The following CNOT6L variants were observed in gnomAD, a reference collection of about 807,000 sequenced individuals.
The protein encoded by CNOT6L is CCR4-NOT transcription complex subunit 6-like.
In CNOT6L, 7 loss-of-function variants were observed where a neutral mutation model predicts 64.0. The ratio of observed to expected loss-of-function variants is 0.11; its 90% CI spans 0.06 to 0.21. The LOEUF (loss-of-function observed/expected upper bound fraction) is 0.21. Among genes scored for constraint, CNOT6L ranks in the 10% least tolerant of loss-of-function variants. The pLI is 1.00. For synonymous variants in CNOT6L, 193 were observed against 243.4 expected (o/e 0.79, Z 1.93); for missense variants, 245 against 669.0 (o/e 0.37, Z 6.99).
intron 1 of CNOT6L, among the ~76,000 whole-genome samples, chr4:77,808,105 T>C (rs545919166): frequency 9.2e-5 from 14 of 152,196 alleles, no homozygotes; most frequent in African/African-American, 2.9e-4. Flanking sequence ...CAAAAAAGAA[T>C]ATGCAACAGA....
At chr4:77,772,341 T>G (rs563671042) in intron 4 of CNOT6L, among the ~76,000 whole-genome samples, 1 of 152,222 alleles carries the variant, frequency 6.6e-6, no homozygotes, top group African/African-American at 2.4e-5. Flanking sequence ...CAAGCGATTT[T>G]CCAGACCCCC....
chr4:77,732,935 G>A (rs1722601616), intron 8 of CNOT6L, among the ~76,000 whole-genome samples: 2 of 152,066 alleles, frequency 1.3e-5, no homozygotes, highest in Non-Finnish European at 2.9e-5. Context: ...TAACTGGGAA[G>A]CAGATTAGAA....
At chr4:77,739,338 T>C (rs1015519589) in intron 8 of CNOT6L, among the ~76,000 whole-genome samples, 2 of 152,220 alleles carry the variant, frequency 1.3e-5, no homozygotes, top group African/African-American at 4.8e-5. Context: ...TCCACAGTTA[T>C]CTTTGTTAGT....
chr4:77,787,130 G>T (rs1729545818), intron 1 of CNOT6L, among the ~76,000 whole-genome samples: 1 of 152,124 alleles, frequency 6.6e-6, no homozygotes, highest in South Asian at 2.1e-4. Context: ...AGCCGGGTGT[G>T]GTGGCGGGCA....
intron 4 of CNOT6L, among the ~76,000 whole-genome samples, chr4:77,763,072 T>C (rs1409023957): frequency 1.3e-5 from 2 of 151,352 alleles, no homozygotes; most frequent in Admixed American, 6.6e-5. Flanking sequence ...AGAAAGTAAA[T>C]AGAATGAAAA....
chr4:77,784,417 C>G (rs182396384), intron 1 of CNOT6L, among the ~76,000 whole-genome samples: 1 of 152,192 alleles, frequency 6.6e-6, no homozygotes, highest in Admixed American at 6.5e-5. Flanking sequence ...CAAATTAAGT[C>G]TTAGTCTCCA....
chr4:77,746,775 A>T (rs953221923), intron 6 of CNOT6L, among the ~76,000 whole-genome samples: 1 of 152,216 alleles, frequency 6.6e-6, no homozygotes, highest in East Asian at 1.9e-4. Flanking sequence ...TATAAAATAA[A>T]TCTATCTAGC....
intron 1 of CNOT6L, among the ~76,000 whole-genome samples, chr4:77,777,546 A>G (rs1501373): frequency 0.86 from 131,286 of 152,196 alleles, 56,867 homozygotes; most frequent in Non-Finnish European, 0.9. Flanking sequence ...GTACTAGACA[A>G]AAAATAAAAT....
chr4:77,719,067 A>T lies in CNOT6L; in HGVS notation c.*1364T>A, dbSNP rs1177058924. On this transcript the variant is annotated 3_prime_UTR_variant, in exon 12 of 12. Transcript: ENST00000504123. The stretch of plus-strand genomic sequence containing the variant: ...AAAAAAGCAGAATAAAGAAAAACTT[A>T]AAAACACAGACACAACCTTTTCCTG... 6.6e-6 allele frequency: 1 copy of T among 152,614 alleles called. No homozygotes were observed. The highest frequency in any genetic ancestry group is 2.1e-4 in the South Asian group (1 of 4,834). The allele number at this position is 152,614 out of a possible 1,614,324, so 9.5% of individuals were successfully genotyped here.
At chr4:77,799,852 T>G (rs1019407642) in intron 1 of CNOT6L, among the ~76,000 whole-genome samples, 2 of 152,158 alleles carry the variant, frequency 1.3e-5, no homozygotes, top group Non-Finnish European at 2.9e-5. Flanking sequence ...AAAAGTAGAT[T>G]TAGTCCATGT....
In CNOT6L at chr4:77,774,704, C is replaced by T. The variant is rs766542626; in HGVS notation, c.140G>A (p.Ser47Asn). ...AELEISGRVR[S>N]LSTSLWSLTH... Reference sequence around the variant, plus strand: ...CAATGACCAAAGTGATGTACTTAGGCTCCGCACTCTACCTAAAAGGCAAAA... The same window carrying T: ...CAATGACCAAAGTGATGTACTTAGGTTCCGCACTCTACCTAAAAGGCAAAA... The change falls in exon 3 of 12, where the codon AGC becomes AAC. Residue 47 changes from serine (S) to asparagine (N), a missense_variant. Physicochemically the swap from Ser to Asn is conservative, Grantham distance 46 (BLOSUM62 1). Around this residue, in one of 10 missense-constraint regions of CNOT6L, gnomAD observed 78 missense variants for 137.6 expected, o/e 0.57. Coordinates refer to ENST00000504123, the MANE Select transcript of CNOT6L (RefSeq NM_144571.3). 2.5e-6 allele frequency: 4 copies of T among 1,586,810 alleles called. No individual in the cohort carries two copies. The Admixed American group carries it at 5.6e-5, about 22-fold the overall frequency.
intron 4 of CNOT6L, among the ~76,000 whole-genome samples, chr4:77,770,984 C>A (rs184775582): frequency 6.6e-6 from 1 of 152,100 alleles, no homozygotes; most frequent in Non-Finnish European, 1.5e-5. Context: ...GTTGCTTTTT[C>A]AGGAATGTTT....
intron 1 of CNOT6L, among the ~76,000 whole-genome samples, chr4:77,802,432 T>G (rs1731694598): frequency 6.6e-6 from 1 of 152,228 alleles, no homozygotes; most frequent in African/African-American, 2.4e-5. Flanking sequence ...TACTAAAAAA[T>G]GTTTTCATTA....
rs559186574 is a variant in CNOT6L, at chr4:77,715,153, T to C, written c.*5278A>G. ...GGAAAATTATCTAAATTTTGAGAGA[T>C]TGTTCTAACAAAAATAACTAGTACT... On this transcript the variant is annotated 3_prime_UTR_variant, in exon 12 of 12. Coordinates refer to ENST00000504123, the MANE Select transcript of CNOT6L (RefSeq NM_144571.3). The C allele has an allele frequency of 6.6e-6, 1 of 152,080 alleles. No homozygotes were observed. The highest frequency in any genetic ancestry group is 1.5e-5 in the Non-Finnish European group (1 of 68,002). The allele number at this position is 152,080 out of a possible 1,614,324, so 9.4% of individuals were successfully genotyped here.
chr4:77,760,890 T>TTTTTTG (rs1726148841), intron 4 of CNOT6L, among the ~76,000 whole-genome samples: 1 of 105,036 alleles, frequency 9.5e-6, no homozygotes, highest in Non-Finnish European at 1.9e-5. Flanking sequence ...TTTTTTTTTT[T>TTTTTTG]TTTTTAAGGA....
intron 8 of CNOT6L, among the ~76,000 whole-genome samples, chr4:77,738,988 C>T (rs971596076): frequency 1.3e-5 from 2 of 152,074 alleles, no homozygotes; most frequent in African/African-American, 2.4e-5. Flanking sequence ...GATGACCAAA[C>T]AGGTGCTGCC....
rs576117217 is a variant in CNOT6L, at chr4:77,739,048, G to A, written c.872+3093C>T. On this transcript the variant is annotated intron_variant, in intron 8 of 11. Transcript: ENST00000504123. ...CCCCAAAACTAAACTAGAATAATGT[G>A]ATTTAAAGAACAGTGTATTATATTC... 4.6e-5 allele frequency among the ~76,000 whole-genome samples: 7 copies of A among 152,208 alleles called. No individual in the cohort carries two copies. The South Asian group carries it at 1.5e-3, about 32-fold the overall frequency.
At chr4:77,760,998 G>A (rs1018486943) in intron 4 of CNOT6L, among the ~76,000 whole-genome samples, 1 of 150,190 alleles carries the variant, frequency 6.7e-6, no homozygotes, top group Non-Finnish European at 1.5e-5. Context: ...TTACAGGCAT[G>A]AGCCACTCTG....
At chr4:77,802,900 C>T (rs376668163) in intron 1 of CNOT6L, among the ~76,000 whole-genome samples, 196 of 152,160 alleles carry the variant, frequency 1.3e-3, no homozygotes, top group East Asian at 3.7e-3. Context: ...GAAGAAAATG[C>T]GGAGAAAATA....
Sources: allele counts gnomAD v4.1 joint callset (sites outside exome capture counted in the v4.1 genomes callset), GRCh38; gene constraint gnomAD v4.1.1; regional missense constraint gnomAD v4.1.1; transcripts MANE v1.5; gene names NCBI Gene and HGNC (gene_info 2026-07-23, HGNC 2026-07-21).